Variants in ABCB5 observed in about 807,000 individuals in gnomAD.
The protein encoded by ABCB5 is ATP binding cassette subfamily B member 5.
ABCB5 carries 155 observed loss-of-function variants against 144.2 expected under a neutral mutation model. The observed-to-expected ratio is 1.08, with a 90% CI of 0.94 to 1.23. ABCB5 has a LOEUF of 1.23. Among genes scored for constraint, ABCB5 ranks in the 50% most tolerant of loss-of-function variants. The pLI is 0.00. For synonymous variants in ABCB5, 610 were observed against 528.6 expected, an observed-to-expected ratio of 1.15 and a Z score of -2.11; for missense variants, 1,830 against 1,520.8, an observed-to-expected ratio of 1.20 and a Z score of -3.38.
intron 22 of ABCB5, 95 bp from the exon 23 acceptor site, chr7:20,728,220 C>T (rs1183596401): frequency 2.2e-6 from 3 of 1,372,776 alleles, no homozygotes; most frequent in Non-Finnish European, 2.9e-6. Context: ...CAAATTATAA[C>T]ATTTCAAAGT....
intron 16 of ABCB5, among the ~76,000 whole-genome samples, chr7:20,686,198 G>A (rs1785991008): frequency 6.6e-6 from 1 of 152,172 alleles, no homozygotes; most frequent in Non-Finnish European, 1.5e-5. Context: ...ATAAATGCAT[G>A]CCACTCCCGG....
rs747770262 is a variant in ABCB5, at chr7:20,743,059, C to T, written c.3207C>T (p.Pro1069=). The change falls in exon 25 of 28, where the codon CCC becomes CCT. Residue 1069 remains proline, a synonymous_variant. Coordinates refer to ENST00000404938, the MANE Select transcript of ABCB5 (RefSeq NM_001163941.2). Reference sequence around the variant, plus strand: ...AACTTCTGCAGAGACTTTATGACCCCGTGCAAGGACAAGTGGTAAGACAGA... The same window carrying T: ...AACTTCTGCAGAGACTTTATGACCCTGTGCAAGGACAAGTGGTAAGACAGA... ...SVQLLQRLYD[P]VQGQVLFDGV... The T allele has an allele frequency of 5.0e-6, 8 of 1,613,778 alleles. No homozygotes were observed. The highest frequency in any genetic ancestry group is 4.0e-5 in the African/African-American group (3 of 74,880).
intron 5 of ABCB5, among the ~76,000 whole-genome samples, chr7:20,637,402 C>T (rs1464140096): frequency 6.6e-6 from 1 of 151,098 alleles, no homozygotes. Context: ...TCTTTTGCTG[C>T]CAAAAGTTGA....
intron 20 of ABCB5, among the ~76,000 whole-genome samples, chr7:20,710,452 C>G (rs1463007080): frequency 1.4e-5 from 2 of 145,030 alleles, no homozygotes; most frequent in Non-Finnish European, 3.0e-5. Context: ...TTGCATACCA[C>G]TTTTACATGA....
chr7:20,701,638 C>CCA (rs1344789893), intron 19 of ABCB5, among the ~76,000 whole-genome samples: 2 of 152,124 alleles, frequency 1.3e-5, no homozygotes, highest in African/African-American at 4.8e-5. Flanking sequence ...AATATTAGGA[C>CCA]TGTAACATTT....
At chr7:20,734,384 C>T (rs1782318559) in intron 23 of ABCB5, among the ~76,000 whole-genome samples, 1 of 150,506 alleles carries the variant, frequency 6.6e-6, no homozygotes, top group Admixed American at 6.7e-5. Context: ...AATCTAGGAG[C>T]TGGTTAAAAC....
intron 14 of ABCB5, among the ~76,000 whole-genome samples, chr7:20,661,817 G>T (rs1160362271): frequency 6.6e-6 from 1 of 152,056 alleles, no homozygotes; most frequent in Non-Finnish European, 1.5e-5. Context: ...ACAGGGGTGA[G>T]CCACCGCGCC....
chr7:20,689,398 A>G (rs1052306896), intron 16 of ABCB5, among the ~76,000 whole-genome samples: 3 of 152,196 alleles, frequency 2.0e-5, no homozygotes, highest in Admixed American at 6.5e-5. Context: ...GACGGTGCTG[A>G]GCTTCAGAAC....
At chr7:20,741,867 GAGA>G (rs1444419585) in intron 24 of ABCB5, among the ~76,000 whole-genome samples, 1 of 152,126 alleles carries the variant, frequency 6.6e-6, no homozygotes, top group Non-Finnish European at 1.5e-5. Context: ...AAATGCAATT[GAGA>G]AGAACACAAA....
chr7:20,623,752 A>T (rs1318584877), intron 2 of ABCB5, among the ~76,000 whole-genome samples: 1 of 152,230 alleles, frequency 6.6e-6, no homozygotes, highest in Admixed American at 6.5e-5. Context: ...CTCTGTGAAT[A>T]TGTATGTTAT....
intron 2 of ABCB5, 56 bp from the exon 3 acceptor site, chr7:20,626,501 A>T: frequency 1.3e-6 from 2 of 1,527,050 alleles, no homozygotes; most frequent in South Asian, 1.2e-5. Context: ...TAATGGAAAA[A>T]TTTTGCAAAT....
intron 20 of ABCB5, among the ~76,000 whole-genome samples, chr7:20,718,588 T>A (rs974205968): frequency 5.3e-5 from 8 of 152,166 alleles, no homozygotes; most frequent in Admixed American, 3.9e-4. Flanking sequence ...ACCACAAAGT[T>A]TTTTAGGAAT....
intron 22 of ABCB5, among the ~76,000 whole-genome samples, chr7:20,727,905 A>C (rs1207796852): frequency 1.3e-5 from 2 of 152,106 alleles, no homozygotes; most frequent in Non-Finnish European, 2.9e-5. Context: ...ACTCTTTTGG[A>C]CTCATACTTG....
chr7:20,667,894 G>A (rs1362410837), intron 14 of ABCB5, among the ~76,000 whole-genome samples: 2 of 138,872 alleles, frequency 1.4e-5, no homozygotes, highest in Non-Finnish European at 1.6e-5. Flanking sequence ...ACTGGTTTTC[G>A]TTTTTTTTTT....
intron 16 of ABCB5, among the ~76,000 whole-genome samples, chr7:20,690,001 C>T (rs1786160912): frequency 1.3e-5 from 2 of 152,178 alleles, no homozygotes; most frequent in South Asian, 4.1e-4. Flanking sequence ...GCCTCTTAGG[C>T]CATCATGACA....
chr7:20,752,744 G>A (rs1367441448), intron 26 of ABCB5, among the ~76,000 whole-genome samples: 1 of 152,214 alleles, frequency 6.6e-6, no homozygotes, highest in Admixed American at 6.5e-5. Flanking sequence ...CTACTTGGGA[G>A]GCTGAGGCAG....
chr7:20,621,148 A>G (rs1420230787), intron 1 of ABCB5, among the ~76,000 whole-genome samples: 1 of 152,180 alleles, frequency 6.6e-6, no homozygotes, highest in Non-Finnish European at 1.5e-5. Flanking sequence ...AAGAAAAAAT[A>G]TTGTATGATT....
rs1186682785 is a variant in ABCB5, at chr7:20,662,168, C to T, written c.1707+3492C>T. On this transcript the variant is annotated intron_variant, in intron 14 of 27. Transcript: ENST00000404938. ...TCATTATTATTAAGGGAGTTTCGGC[C>T]ACACCACATCAATGGAGAACCTCTT... Among the ~76,000 whole-genome samples, 36 of 152,168 alleles carry T rather than the reference C, an allele frequency of 2.4e-4. 1 individual carries two copies. Among genetic ancestry groups the T allele is most frequent in the Admixed American group, 2.3e-3 (35 of 15,284 alleles).
At chr7:20,713,801 C>T (rs1480551390) in intron 20 of ABCB5, among the ~76,000 whole-genome samples, 2 of 149,546 alleles carry the variant, frequency 1.3e-5, no homozygotes, top group African/African-American at 2.5e-5. Context: ...AGGCACTAAT[C>T]CCAGTCCTGA....
Sources: gnomAD v4.1 joint callset for allele counts (sites outside exome capture counted in the v4.1 genomes callset) on GRCh38, gnomAD v4.1.1 for gene constraint, MANE v1.5 for transcripts, NCBI Gene and HGNC (gene_info 2026-07-23, HGNC 2026-07-21) for gene names.